Variants in LYPLAL1 observed in about 807,000 individuals in gnomAD.
The protein encoded by LYPLAL1 is lysophospholipase like 1, also known as lysophospholipase-like protein 1.
A neutral mutation model predicts 19.7 loss-of-function variants in LYPLAL1; 23 were observed. That is an observed-to-expected ratio of 1.17 (90% CI 0.84 to 1.65). The LOEUF is 1.65. Ranked by LOEUF, LYPLAL1 falls within the 40% of genes most tolerant of loss-of-function variation. The pLI, the probability that LYPLAL1 is intolerant of heterozygous loss-of-function variation, is 0.00. For missense variants in LYPLAL1, 355 were observed against 279.4 expected, an observed-to-expected ratio of 1.27 and a Z score of -1.93; for synonymous variants, 119 against 96.3, an observed-to-expected ratio of 1.24 and a Z score of -1.38.
At chr1:219,310,214 G>A in the LYPLAL1 span, among the ~76,000 whole-genome samples, 1 of 152,096 alleles carries the variant, frequency 6.6e-6, no homozygotes, top group African/African-American at 2.4e-5. Context: ...ACACTGAAAG[G>A]GAGGGAATGT....
chr1:219,227,199 T>TAGTA, the LYPLAL1 span, among the ~76,000 whole-genome samples: 1 of 152,236 alleles, frequency 6.6e-6, no homozygotes, highest in Non-Finnish European at 1.5e-5. Flanking sequence ...CGAAAATCTC[T>TAGTA]GCTCTGAGGA....
At chr1:219,420,268 T>G in the LYPLAL1 span, among the ~76,000 whole-genome samples, 2 of 152,204 alleles carry the variant, frequency 1.3e-5, no homozygotes, top group Non-Finnish European at 2.9e-5. Context: ...AATTCAGAAT[T>G]ACAGTATTCA....
At chr1:219,218,297 T>G in the LYPLAL1 span, among the ~76,000 whole-genome samples, 222 of 152,146 alleles carry the variant, frequency 1.5e-3, 2 homozygotes, top group African/African-American at 5.0e-3. Flanking sequence ...AATGTCTTCA[T>G]TAGATGAAAA....
At chr1:219,417,142 A>G in the LYPLAL1 span, among the ~76,000 whole-genome samples, 1 of 152,176 alleles carries the variant, frequency 6.6e-6, no homozygotes, top group Non-Finnish European at 1.5e-5. Flanking sequence ...CACAGCCCAC[A>G]CTTAAGGAGT....
At chr1:219,370,201 A>T in the LYPLAL1 span, among the ~76,000 whole-genome samples, 14 of 152,148 alleles carry the variant, frequency 9.2e-5, no homozygotes, top group Admixed American at 6.6e-5. Flanking sequence ...CTACAACTTG[A>T]AGAAACTGAT....
At chr1:219,434,707 G>A in the LYPLAL1 span, among the ~76,000 whole-genome samples, 1 of 152,156 alleles carries the variant, frequency 6.6e-6, no homozygotes, top group African/African-American at 2.4e-5. Context: ...GATTCACTTG[G>A]CTAGCCCAGA....
At chr1:219,261,832 G>T in the LYPLAL1 span, among the ~76,000 whole-genome samples, 1 of 152,144 alleles carries the variant, frequency 6.6e-6, no homozygotes, top group South Asian at 2.1e-4. Context: ...CCTAGGTGAT[G>T]ATCTTTTTGC....
At chr1:219,259,592 CG>C in the LYPLAL1 span, among the ~76,000 whole-genome samples, 1 of 151,254 alleles carries the variant, frequency 6.6e-6, no homozygotes, top group African/African-American at 2.4e-5. Flanking sequence ...CTAAGCTACA[CG>C]GACACAAAGG....
chr1:219,406,687 T>C, the LYPLAL1 span, among the ~76,000 whole-genome samples: 2 of 152,256 alleles, frequency 1.3e-5, no homozygotes, highest in African/African-American at 2.4e-5. Flanking sequence ...AACCCAGATT[T>C]TGTAACCCAT....
chr1:219,346,982 T>C, the LYPLAL1 span, among the ~76,000 whole-genome samples: 5 of 152,324 alleles, frequency 3.3e-5, no homozygotes, highest in African/African-American at 1.2e-4. Flanking sequence ...AAATCTTGTT[T>C]ATTATAGGTA....
the LYPLAL1 span, among the ~76,000 whole-genome samples, chr1:219,421,281 A>G: frequency 2.6e-5 from 4 of 152,336 alleles, no homozygotes; most frequent in East Asian, 7.7e-4. Context: ...ATGAATTTTT[A>G]GCTATCCAAT....
At chr1:219,413,904 T>C in the LYPLAL1 span, among the ~76,000 whole-genome samples, 1 of 152,226 alleles carries the variant, frequency 6.6e-6, no homozygotes, top group Non-Finnish European at 1.5e-5. Context: ...AAAACAAGTT[T>C]ATAGTATAAT....
At position 219,173,953 on chromosome 1, in the gene LYPLAL1, C is replaced by G. The variant is rs562425053; in HGVS notation, c.63C>G (p.Ser21Arg). 1.9e-6 allele frequency: 3 copies of G among 1,614,026 alleles called. No homozygotes were observed. Among genetic ancestry groups the G allele is most frequent in the Admixed American group, 3.3e-5 (2 of 60,034 alleles). The part of the protein sequence containing the change: ...RCIVSPAGRH[S>R]ASLIFLHGSG... ...TCGTGTCGCCGGCAGGGAGGCATAG[C>G]GCCTCTCTGATCTTCCTGCATGGCT... The change falls in exon 1 of 5, where the codon AGC becomes AGG. Residue 21 changes from serine (S) to arginine (R), a missense_variant. By Grantham distance (110) the Ser-to-Arg change is moderately radical. Transcript: ENST00000366928.
the LYPLAL1 span, among the ~76,000 whole-genome samples, chr1:219,255,795 G>C: frequency 9.9e-5 from 15 of 151,822 alleles, no homozygotes; most frequent in Admixed American, 1.3e-4. Flanking sequence ...TATTTATCAT[G>C]AATAAATGTT....
At chr1:219,285,146 T>G in the LYPLAL1 span, among the ~76,000 whole-genome samples, 71 of 152,332 alleles carry the variant, frequency 4.7e-4, no homozygotes, top group African/African-American at 1.7e-3. Context: ...TGAGTAAGTC[T>G]TCAGTTGTAG....
At chr1:219,415,311 G>A in the LYPLAL1 span, among the ~76,000 whole-genome samples, 1 of 152,182 alleles carries the variant, frequency 6.6e-6, no homozygotes, top group Non-Finnish European at 1.5e-5. Flanking sequence ...GGTTTACAGA[G>A]GAAACTGTCC....
At chr1:219,254,350 G>C in the LYPLAL1 span, among the ~76,000 whole-genome samples, 1 of 151,952 alleles carries the variant, frequency 6.6e-6, no homozygotes, top group Non-Finnish European at 1.5e-5. Context: ...ATGTTAACTT[G>C]TTTTTGTGGT....
downstream of LYPLAL1, among the ~76,000 whole-genome samples, chr1:219,217,609 T>C (rs1362818128): frequency 6.6e-6 from 1 of 152,130 alleles, no homozygotes; most frequent in Non-Finnish European, 1.5e-5. Context: ...CCTTCAATTA[T>C]CTACTCCTCA....
the LYPLAL1 span, among the ~76,000 whole-genome samples, chr1:219,392,282 T>C: frequency 1.1e-4 from 17 of 152,240 alleles, no homozygotes; most frequent in Non-Finnish European, 2.1e-4. Context: ...AACTAATGAG[T>C]CACTGGCAAG....
Sources: allele counts gnomAD v4.1 joint callset (sites outside exome capture counted in the v4.1 genomes callset), GRCh38; gene constraint gnomAD v4.1.1; transcripts MANE v1.5; gene names NCBI Gene and HGNC (gene_info 2026-07-23, HGNC 2026-07-21).